Variants in FAR2 observed in about 807,000 individuals in gnomAD.
FAR2 encodes the protein fatty acyl-CoA reductase 2.
Under a neutral mutation model 56.0 loss-of-function variants are expected in FAR2, and 19 were observed. The ratio of observed to expected loss-of-function variants is 0.34; its 90% confidence interval spans 0.24 to 0.50. FAR2 has a LOEUF of 0.50. Ranked by LOEUF, FAR2 falls within the 20% of genes least tolerant of loss-of-function variation. The pLI is 0.98. For synonymous variants in FAR2, 219 were observed against 218.8 expected (o/e 1.00, Z -0.01); for missense variants, 508 against 642.2 (o/e 0.79, Z 2.26).
At chr12:29,304,104 C>A (rs1259486960) in intron 4 of FAR2, among the ~76,000 whole-genome samples, 1 of 152,182 alleles carries the variant, frequency 6.6e-6, no homozygotes, top group Non-Finnish European at 1.5e-5. Flanking sequence ...TTCACCATTG[C>A]CACTGGACAC....
intron 4 of FAR2, among the ~76,000 whole-genome samples, chr12:29,301,312 C>T (rs542733007): frequency 6.6e-6 from 1 of 152,274 alleles, no homozygotes; most frequent in South Asian, 2.1e-4. Flanking sequence ...CTCATCCCAG[C>T]CACCGGTTCC....
At chr12:29,269,937 G>A (rs967925102) in intron 1 of FAR2, among the ~76,000 whole-genome samples, 6 of 152,064 alleles carry the variant, frequency 3.9e-5, no homozygotes, top group Admixed American at 6.6e-5. Flanking sequence ...CCCTAAGCAC[G>A]CTGTGCCACA....
chr12:29,179,392 T>A (rs969775994), intron 1 of FAR2, among the ~76,000 whole-genome samples: 8 of 152,202 alleles, frequency 5.3e-5, no homozygotes, highest in Non-Finnish European at 7.3e-5. Flanking sequence ...AGATTTTATT[T>A]CCATTCATAG....
At chr12:29,228,812 T>C (rs1422580871) in intron 1 of FAR2, among the ~76,000 whole-genome samples, 1 of 152,234 alleles carries the variant, frequency 6.6e-6, no homozygotes, top group East Asian at 1.9e-4. Flanking sequence ...GGTCTCAAAC[T>C]CCTGACCTCA....
intron 2 of FAR2, among the ~76,000 whole-genome samples, chr12:29,270,851 G>T (rs1948606660): frequency 6.6e-6 from 1 of 152,198 alleles, no homozygotes; most frequent in South Asian, 2.1e-4. Flanking sequence ...TCCAGGGCAG[G>T]TGAGATTGTC....
At chr12:29,159,582 A>G (rs972021833) in intron 1 of FAR2, among the ~76,000 whole-genome samples, 24 of 151,376 alleles carry the variant, frequency 1.6e-4, no homozygotes, top group African/African-American at 5.8e-4. Flanking sequence ...GAAAAATTCC[A>G]TAGGGAAGAT....
intron 6 of FAR2, 53 bp from the exon 7 acceptor site, chr12:29,310,975 C>G: frequency 1.5e-6 from 2 of 1,342,992 alleles, no homozygotes; most frequent in Non-Finnish European, 1.1e-6. Context: ...TACTTTAGCC[C>G]CAGCTATTAT....
chr12:29,319,642 AG>A (rs1273075564), intron 9 of FAR2, among the ~76,000 whole-genome samples: 4 of 152,226 alleles, frequency 2.6e-5, no homozygotes, highest in Admixed American at 2.6e-4. Flanking sequence ...TGCAGGGCTT[AG>A]GAACATGGAG....
At chr12:29,320,725 CCTGA>C (rs1233643936) in intron 9 of FAR2, among the ~76,000 whole-genome samples, 1 of 152,184 alleles carries the variant, frequency 6.6e-6, no homozygotes, top group African/African-American at 2.4e-5. Flanking sequence ...TAATATACAT[CCTGA>C]CTATCTTACA....
intron 1 of FAR2, among the ~76,000 whole-genome samples, chr12:29,178,469 G>A (rs1297032699): frequency 2.6e-5 from 4 of 152,134 alleles, no homozygotes; most frequent in African/African-American, 7.2e-5. Flanking sequence ...GATGGTGCCT[G>A]TCTGTAGTTC....
chr12:29,324,108 C>A (rs1372440367), intron 10 of FAR2, among the ~76,000 whole-genome samples: 1 of 152,178 alleles, frequency 6.6e-6, no homozygotes, highest in Non-Finnish European at 1.5e-5. Context: ...AATGCACAAG[C>A]CTCAGTAACC....
chr12:29,276,610 T>G (rs909601570), intron 2 of FAR2, among the ~76,000 whole-genome samples: 1 of 152,226 alleles, frequency 6.6e-6, no homozygotes, highest in African/African-American at 2.4e-5. Context: ...AAATTGTGTA[T>G]GCTTCAGAAT....
chr12:29,177,388 A>G (rs1949948893), intron 1 of FAR2, among the ~76,000 whole-genome samples: 1 of 152,116 alleles, frequency 6.6e-6, no homozygotes, highest in Non-Finnish European at 1.5e-5. Flanking sequence ...TTCTGCTTCT[A>G]TTTGTGTTTT....
At chr12:29,211,754 A>G (rs1055271055) in intron 1 of FAR2, among the ~76,000 whole-genome samples, 3 of 151,914 alleles carry the variant, frequency 2.0e-5, no homozygotes, top group Non-Finnish European at 4.4e-5. Flanking sequence ...ACCAAAATTC[A>G]TATGGTGAAG....
At chr12:29,167,857 TAG>T (rs1438785087) in intron 1 of FAR2, among the ~76,000 whole-genome samples, 1 of 152,176 alleles carries the variant, frequency 6.6e-6, no homozygotes, top group Non-Finnish European at 1.5e-5. Flanking sequence ...GACCAATGAC[TAG>T]AGAGAGTATC....
At chr12:29,280,954 G>A (rs1948774905) in intron 2 of FAR2, 1 of 152,154 alleles carries the variant, frequency 6.6e-6, no homozygotes, top group Non-Finnish European at 1.5e-5. Flanking sequence ...AACTAATGAG[G>A]TTCTGCCATG....
chr12:29,190,791 GT>G (rs35809625), intron 1 of FAR2, among the ~76,000 whole-genome samples: 72,176 of 151,864 alleles, frequency 0.48, 18,403 homozygotes, highest in Admixed American at 0.61. Context: ...TATCTGAGAT[GT>G]CCGCATCACA....
At chr12:29,198,978 A>G in intron 1 of FAR2, among the ~76,000 whole-genome samples, 1 of 152,190 alleles carries the variant, frequency 6.6e-6, no homozygotes, top group East Asian at 1.9e-4. Flanking sequence ...TAAAAATCAT[A>G]TTCCTGTTCT....
chr12:29,270,554 A>C lies in FAR2; in HGVS notation c.105A>C (p.Pro35=). The C allele has an allele frequency of 6.2e-7, 1 of 1,614,162 alleles. No individual in the cohort carries two copies. Among genetic ancestry groups the C allele is most frequent in the South Asian group, 1.1e-5 (1 of 91,066 alleles). ...VLMEKLFRTS[P]DLKVIYILVR... Reference sequence around the variant, plus strand: ...TGGAGAAGCTGTTTCGCACCAGCCCAGACCTGAAAGTCATTTACATCCTTG... The same window carrying C: ...TGGAGAAGCTGTTTCGCACCAGCCCCGACCTGAAAGTCATTTACATCCTTG... The change falls in exon 2 of 12, where the codon CCA becomes CCC. Residue 35 remains proline, a synonymous_variant. Coordinates refer to ENST00000536681, the MANE Select transcript of FAR2 (RefSeq NM_001271783.2).
Sources: allele counts gnomAD v4.1 joint callset (sites outside exome capture counted in the v4.1 genomes callset), GRCh38; gene constraint gnomAD v4.1.1; transcripts MANE v1.5; gene names NCBI Gene and HGNC (gene_info 2026-07-23, HGNC 2026-07-21).